Variants in IQCH observed in about 807,000 individuals in gnomAD.
The protein encoded by IQCH is IQ motif containing H, also known as IQ domain-containing protein H.
In IQCH, 98 loss-of-function variants were observed where a neutral mutation model predicts 117.0. The ratio of observed to expected loss-of-function variants is 0.84; its 90% confidence interval spans 0.71 to 0.99. IQCH has a LOEUF of 0.99. Ranked by LOEUF, IQCH falls within the 50% of genes least tolerant of loss-of-function variation. The pLI, the probability that IQCH is intolerant of heterozygous loss-of-function variation, is 0.00. For synonymous variants in IQCH, 412 were observed against 448.2 expected (o/e 0.92, Z 1.02); for missense variants, 1,102 against 1,243.8 (o/e 0.89, Z 1.72).
intron 10 of IQCH, among the ~76,000 whole-genome samples, chr15:67,382,245 G>A (rs566310535): frequency 6.6e-6 from 1 of 152,234 alleles, no homozygotes; most frequent in Admixed American, 6.5e-5. Flanking sequence ...TTTAGAAAAG[G>A]GTGGTCAGGC....
chr15:67,407,477 C>T lies in IQCH; in HGVS notation c.2097+7172C>T, dbSNP rs948679610. 6.6e-6 allele frequency: 1 copy of T among 152,150 alleles called. No homozygotes were observed. Among genetic ancestry groups the T allele is most frequent in the African/African-American group, 2.4e-5 (1 of 41,430 alleles). 9.4% of individuals were successfully genotyped at this position (152,150 alleles called of 1,614,324 possible). On this transcript the variant is annotated intron_variant, in intron 14 of 20. Coordinates refer to ENST00000335894, the MANE Select transcript of IQCH (RefSeq NM_001031715.3). The surrounding 1 kb of genome is among the most constrained non-coding windows in gnomAD (Gnocchi z 5.3). ...CCAGGGTTGAGTTTGAGGTGTTTCT[C>T]TGTGCCTGAGGAAGATGACAGGAGA...
At chr15:67,360,870 G>C (rs573008125) in intron 8 of IQCH, among the ~76,000 whole-genome samples, 1 of 152,202 alleles carries the variant, frequency 6.6e-6, no homozygotes, top group Non-Finnish European at 1.5e-5. Context: ...AAACTAATCC[G>C]TGCAATTAGA....
In IQCH at chr15:67,389,015, G is replaced by C. The variant is rs778032716; in HGVS notation, c.1632+9G>C. The C allele has an allele frequency of 6.2e-7, 1 of 1,609,052 alleles. No individual in the cohort carries two copies. The highest frequency in any genetic ancestry group is 1.7e-5 in the Admixed American group (1 of 59,630). ...CTGTAAACATCTTCCCTGTGAGTTT[G>C]TGTTCTAATTACTATGGTTTCAGGG... On this transcript the variant is annotated intron_variant, in intron 12 of 20. Transcript: ENST00000335894.
At chr15:67,409,585 G>A (rs2081391274) in intron 14 of IQCH, among the ~76,000 whole-genome samples, 2 of 152,168 alleles carry the variant, frequency 1.3e-5, no homozygotes, top group South Asian at 2.1e-4. Flanking sequence ...CAGACTCCTC[G>A]AGAAGCAGCG....
At chr15:67,495,795 GTT>G (rs2083788437) in intron 20 of IQCH, among the ~76,000 whole-genome samples, 1 of 152,110 alleles carries the variant, frequency 6.6e-6, no homozygotes, top group South Asian at 2.1e-4. Context: ...TTATGTCATG[GTT>G]TCTAGCCTTC....
At chr15:67,347,734 ATTC>A (rs1969461665) in intron 6 of IQCH, among the ~76,000 whole-genome samples, 1 of 150,502 alleles carries the variant, frequency 6.6e-6, no homozygotes, top group East Asian at 1.9e-4. Flanking sequence ...ACAGCCCAGT[ATTC>A]TTTATGAAAA....
At chr15:67,286,640 C>T (rs889050715) in intron 4 of IQCH, among the ~76,000 whole-genome samples, 1 of 151,066 alleles carries the variant, frequency 6.6e-6, no homozygotes, top group Non-Finnish European at 1.5e-5. Flanking sequence ...AGTAGAGTCT[C>T]GTTCTGTCGC....
intron 3 of IQCH, among the ~76,000 whole-genome samples, chr15:67,263,614 TTTG>T (rs1224097075): frequency 6.6e-6 from 1 of 152,242 alleles, no homozygotes; most frequent in African/African-American, 2.4e-5. Context: ...GCTGTTACTC[TTTG>T]TTGTTGTTAT....
intron 4 of IQCH, among the ~76,000 whole-genome samples, chr15:67,314,384 C>T (rs1967745862): frequency 6.6e-6 from 1 of 151,210 alleles, no homozygotes; most frequent in Non-Finnish European, 1.5e-5. Context: ...CTTGTCTTCC[C>T]AATCTAATAA....
chr15:67,258,783 G>A (rs1255606110), intron 1 of IQCH, among the ~76,000 whole-genome samples: 3 of 152,062 alleles, frequency 2.0e-5, no homozygotes, highest in Non-Finnish European at 4.4e-5. Context: ...TGGAAAACAA[G>A]GTGTTTGATG....
intron 15 of IQCH, among the ~76,000 whole-genome samples, chr15:67,420,248 C>A (rs1454269131): frequency 6.6e-6 from 1 of 152,156 alleles, no homozygotes; most frequent in Non-Finnish European, 1.5e-5. Context: ...AAGGAAAGTG[C>A]TTTTTAGATG....
At chr15:67,258,139 G>A (rs1053920492) in intron 1 of IQCH, among the ~76,000 whole-genome samples, 1 of 151,958 alleles carries the variant, frequency 6.6e-6, no homozygotes, top group Non-Finnish European at 1.5e-5. Flanking sequence ...GCTGAGGCAA[G>A]GAGAATTACT....
chr15:67,478,654 G>A (rs1249981921), intron 18 of IQCH, among the ~76,000 whole-genome samples: 3 of 152,108 alleles, frequency 2.0e-5, no homozygotes, highest in Non-Finnish European at 2.9e-5. Context: ...GGCTGGGCAC[G>A]GTGGCTCATG....
intron 16 of IQCH, among the ~76,000 whole-genome samples, chr15:67,437,055 T>A (rs1401247515): frequency 6.6e-6 from 1 of 152,102 alleles, no homozygotes; most frequent in East Asian, 1.9e-4. Flanking sequence ...CTATAGCTGA[T>A]GCTTTCTGGA....
chr15:67,267,229 A>G (rs1416303330), intron 3 of IQCH, among the ~76,000 whole-genome samples: 4 of 152,166 alleles, frequency 2.6e-5, no homozygotes, highest in Admixed American at 6.5e-5. Flanking sequence ...CTTTCCTCAC[A>G]TGACCAATGG....
chr15:67,329,196 G>A (rs1029647267), intron 4 of IQCH, among the ~76,000 whole-genome samples: 3 of 152,030 alleles, frequency 2.0e-5, no homozygotes, highest in Non-Finnish European at 4.4e-5. Flanking sequence ...CTGCTCAAGA[G>A]GCTGAGGTAG....
At chr15:67,298,508 A>G (rs140086420) in intron 4 of IQCH, among the ~76,000 whole-genome samples, 176 of 152,226 alleles carry the variant, frequency 1.2e-3, no homozygotes, top group African/African-American at 3.8e-3. Context: ...GAAACCTCCT[A>G]CACAGTTGGT....
chr15:67,386,018 C>T lies in IQCH; in HGVS notation c.1456+999C>T, dbSNP rs533566590. Among the ~76,000 whole-genome samples the T allele has an allele frequency of 6.6e-6, 1 of 152,086 alleles. No homozygotes were observed. The highest frequency in any genetic ancestry group is 2.1e-4 in the South Asian group (1 of 4,804). Reference sequence around the variant, plus strand: ...ATCAGTACTAGAAATTTACAGTGTCCTAAAATAATAATCATAATTGCTTTA... The same window carrying T: ...ATCAGTACTAGAAATTTACAGTGTCTTAAAATAATAATCATAATTGCTTTA... On this transcript the variant is annotated intron_variant, in intron 11 of 20. Coordinates refer to ENST00000335894, the MANE Select transcript of IQCH (RefSeq NM_001031715.3). The surrounding 1 kb of genome is among the most constrained non-coding windows in gnomAD (Gnocchi z 5.0).
At chr15:67,297,425 G>A (rs554057723) in intron 4 of IQCH, among the ~76,000 whole-genome samples, 26 of 152,060 alleles carry the variant, frequency 1.7e-4, no homozygotes, top group Admixed American at 5.2e-4. Flanking sequence ...TCACTTTATC[G>A]TATATTATTT....
Sources: allele counts gnomAD v4.1 joint callset (sites outside exome capture counted in the v4.1 genomes callset), GRCh38; gene constraint gnomAD v4.1.1; non-coding constraint Gnocchi (gnomAD v3.1); transcripts MANE v1.5; gene names NCBI Gene and HGNC (gene_info 2026-07-23, HGNC 2026-07-21).